The following CSMD1 variants were observed in gnomAD, a reference collection of about 807,000 sequenced individuals.
CSMD1 encodes the protein CUB and sushi domain-containing protein 1.
Under a neutral mutation model 417.5 loss-of-function variants are expected in CSMD1, and 213 were observed. The ratio of observed to expected loss-of-function variants is 0.51; its 90% CI spans 0.46 to 0.57. The LOEUF (loss-of-function observed/expected upper bound fraction) is 0.57, where lower values mean the gene tolerates loss of function less well. CSMD1 is among the 20% of genes least tolerant of loss of function. The pLI, the probability that CSMD1 is intolerant of heterozygous loss-of-function variation, is 0.00. For missense variants in CSMD1, 6,923 were observed against 4,529.7 expected (o/e 1.53, Z -15.17); for synonymous variants, 2,862 against 1,736.8 (o/e 1.65, Z -16.11).
At chr8:4,757,945 G>A (rs1415934121) in intron 1 of CSMD1, among the ~76,000 whole-genome samples, 1 of 131,112 alleles carries the variant, frequency 7.6e-6, no homozygotes, top group Non-Finnish European at 1.6e-5. Flanking sequence ...GGGCAACAGA[G>A]AGAGACTTTG....
chr8:2,968,017 C>A (rs989673122), intron 57 of CSMD1, among the ~76,000 whole-genome samples: 2 of 152,142 alleles, frequency 1.3e-5, no homozygotes, highest in Non-Finnish European at 2.9e-5. Flanking sequence ...GACTTCCAAC[C>A]CCTTCTAACA....
intron 6 of CSMD1, among the ~76,000 whole-genome samples, chr8:3,740,948 G>A (rs147019291): frequency 6.6e-6 from 1 of 151,940 alleles, no homozygotes; most frequent in African/African-American, 2.4e-5. Context: ...AGGGGTAGTG[G>A]CTCACACCTG....
intron 6 of CSMD1, among the ~76,000 whole-genome samples, chr8:3,738,713 C>T (rs1796648151): frequency 1.3e-5 from 2 of 152,146 alleles, no homozygotes; most frequent in African/African-American, 2.4e-5. Flanking sequence ...AAGGTGCCAC[C>T]CTGTGGTCAC....
At chr8:3,308,618 G>C (rs907601819) in intron 23 of CSMD1, 115 bp from the exon 24 acceptor site, 10 of 745,472 alleles carry the variant, frequency 1.3e-5, no homozygotes, top group Non-Finnish European at 1.9e-5. Context: ...GAGAAAAAAG[G>C]AGATTGTGAA....
At chr8:3,360,626 G>C (rs1045045954) in intron 20 of CSMD1, among the ~76,000 whole-genome samples, 1 of 152,224 alleles carries the variant, frequency 6.6e-6, no homozygotes, top group Non-Finnish European at 1.5e-5. Context: ...CCAACTAAAA[G>C]ATGTGCATTA....
intron 6 of CSMD1, among the ~76,000 whole-genome samples, chr8:3,735,857 G>T (rs1796498790): frequency 6.6e-6 from 1 of 152,078 alleles, no homozygotes; most frequent in Non-Finnish European, 1.5e-5. Context: ...CCTAATTTAT[G>T]CCTAGAATTT....
At chr8:3,875,793 G>A (rs1211897759) in intron 5 of CSMD1, among the ~76,000 whole-genome samples, 1 of 152,162 alleles carries the variant, frequency 6.6e-6, no homozygotes, top group Admixed American at 6.5e-5. Flanking sequence ...GTGGTAAAGG[G>A]AAGGTACAAA....
chr8:4,320,944 G>A (rs928705522), intron 3 of CSMD1, among the ~76,000 whole-genome samples: 1 of 152,060 alleles, frequency 6.6e-6, no homozygotes, highest in Non-Finnish European at 1.5e-5. Flanking sequence ...CCCAGTGTGA[G>A]GTCCTAGCCA....
chr8:4,164,054 T>G (rs1270112131), intron 3 of CSMD1, among the ~76,000 whole-genome samples: 1 of 152,206 alleles, frequency 6.6e-6, no homozygotes, highest in Non-Finnish European at 1.5e-5. Context: ...TCCCTTCTCT[T>G]CTTTATAAAC....
intron 37 of CSMD1, among the ~76,000 whole-genome samples, chr8:3,175,507 G>GCCTGCCTGCCTTCCTGCCTT (rs149583717): frequency 1.6e-5 from 2 of 125,830 alleles, no homozygotes; most frequent in East Asian, 5.4e-4. Flanking sequence ...CTGCCTGCCT[G>GCCTGCCTGCCTTCCTGCCTT]CCTTTTTTCC....
chr8:3,997,867 C>A (rs771629551), intron 5 of CSMD1, 36 bp downstream of exon 5: 61 of 1,575,018 alleles, frequency 3.9e-5, no homozygotes, highest in Non-Finnish European at 5.1e-5. Flanking sequence ...GGAAAACACA[C>A]CTGTATCCTT....
chr8:4,350,750 A>C lies in CSMD1; in HGVS notation c.415+69203T>G, dbSNP rs141342589. 8.1e-3 allele frequency among the ~76,000 whole-genome samples: 1,231 copies of C among 152,286 alleles called. 11 individuals carry two copies. Among genetic ancestry groups the C allele is most frequent in the Non-Finnish European group, 0.013 (892 of 68,026 alleles). On this transcript the variant is annotated intron_variant, in intron 3 of 69. Transcript: ENST00000635120. ...GTCACATTTGCTCTTCTCTAAATCC[A>C]GTGGCAGCTGATTGAATTTAAGTAG...
chr8:3,777,670 C>G (rs1162238922), intron 5 of CSMD1, among the ~76,000 whole-genome samples: 2 of 152,236 alleles, frequency 1.3e-5, no homozygotes, highest in Non-Finnish European at 2.9e-5. Flanking sequence ...CCTTGAAGTG[C>G]AGAGTCTCAG....
intron 5 of CSMD1, among the ~76,000 whole-genome samples, chr8:3,943,247 A>G (rs1811003283): frequency 6.6e-6 from 1 of 152,036 alleles, no homozygotes; most frequent in Non-Finnish European, 1.5e-5. Flanking sequence ...TCAACATTTT[A>G]AATAATTTTA....
At chr8:3,106,365 T>G (rs1161418356) in intron 46 of CSMD1, among the ~76,000 whole-genome samples, 163 bp downstream of exon 46, 1 of 152,112 alleles carries the variant, frequency 6.6e-6, no homozygotes, top group African/African-American at 2.4e-5. Context: ...ACCACTGTAC[T>G]CCCACCTGGG....
chr8:4,416,746 T>G (rs907863420), intron 3 of CSMD1, among the ~76,000 whole-genome samples: 36 of 152,100 alleles, frequency 2.4e-4, no homozygotes, highest in Admixed American at 2.2e-3. Context: ...TGTGTCAGCC[T>G]TTGTCTCATG....
rs114984338 is a variant in CSMD1, at chr8:4,680,457, C to T, written c.86-42899G>A. 2.5e-3 allele frequency among the ~76,000 whole-genome samples: 388 copies of T among 152,252 alleles called. 5 individuals carry two copies. Among genetic ancestry groups the T allele is most frequent in the African/African-American group, 9.1e-3 (377 of 41,540 alleles). Reference sequence around the variant, plus strand: ...GAGTGACGTACCATGTTCTCATCATCGTACCTTCACACTTGATGACACTGG... The same window carrying T: ...GAGTGACGTACCATGTTCTCATCATTGTACCTTCACACTTGATGACACTGG... On this transcript the variant is annotated intron_variant, in intron 1 of 69. Coordinates refer to ENST00000635120, the MANE Select transcript of CSMD1 (RefSeq NM_033225.6).
chr8:4,618,231 C>G (rs1801584467), intron 2 of CSMD1, among the ~76,000 whole-genome samples: 1 of 152,162 alleles, frequency 6.6e-6, no homozygotes, highest in African/African-American at 2.4e-5. Flanking sequence ...TCCTACCCAA[C>G]TCAAGCCCAG....
intron 51 of CSMD1, among the ~76,000 whole-genome samples, chr8:3,023,067 C>T (rs922162996): frequency 2.0e-5 from 3 of 152,172 alleles, no homozygotes; most frequent in African/African-American, 7.2e-5. Context: ...TGTCCAATGT[C>T]CACTCCAGCA....
Sources: allele counts gnomAD v4.1 joint callset (sites outside exome capture counted in the v4.1 genomes callset), GRCh38; gene constraint gnomAD v4.1.1; transcripts MANE v1.5; gene names NCBI Gene and HGNC (gene_info 2026-07-23, HGNC 2026-07-21).